Variants in MYH6 observed in about 807,000 individuals in gnomAD.
MYH6 encodes the protein myosin-6.
A neutral mutation model predicts 223.2 loss-of-function variants in MYH6; 126 were observed. That is an observed-to-expected ratio of 0.56 (90% CI 0.49 to 0.65). The LOEUF is 0.65. MYH6 is among the 30% of genes least tolerant of loss of function. MYH6 has a pLI of 0.00. For missense variants in MYH6, 2,040 were observed against 2,536.4 expected (o/e 0.80, Z 4.20); for synonymous variants, 978 against 1,010.2 (o/e 0.97, Z 0.61).
rs187522985 is a variant in MYH6 at position 23,388,770 on chromosome 14, C to A, written c.4175+89G>T. On this transcript the variant is annotated intron_variant, in intron 29 of 38. Transcript: ENST00000405093. ...GAGTTCCTCCTGTCTCTTCCACTTC[C>A]GTCTCATGACCACTTTGCCTGTCCC... The A allele has an allele frequency of 7.0e-6, 11 of 1,579,412 alleles. 1 individual carries two copies. In the East Asian group the frequency reaches 1.8e-4, roughly 26 times the overall value.
chr14:23,382,925 T>C (rs921879576), intron 37 of MYH6, among the ~76,000 whole-genome samples: 17 of 152,206 alleles, frequency 1.1e-4, no homozygotes, highest in Non-Finnish European at 2.4e-4. Flanking sequence ...CTGGGTCCCC[T>C]TCTAGGCCCA....
chr14:23,407,438 T>C lies in MYH6; in HGVS notation c.-14+138A>G. ...GCTGAAGGACAATCTCTGTAAGGGG[T>C]TTCCCTGGGGTGGCATTGGCTGGAG... On this transcript the variant is annotated intron_variant, in intron 2 of 38. Transcript: ENST00000405093. The surrounding 1 kb of genome is among the most constrained non-coding windows in gnomAD (Gnocchi z 5.6). 1 of 1,136,014 alleles carries C rather than the reference T, an allele frequency of 8.8e-7. No homozygotes were observed. The highest frequency in any genetic ancestry group is 1.6e-5 in the South Asian group (1 of 62,134). The allele number at this position is 1,136,014 out of a possible 1,614,324, so 70.4% of individuals were successfully genotyped here.
rs1367375061 is a variant in MYH6 at position 23,390,223 on chromosome 14, G to A, written c.3566C>T (p.Ala1189Val). 1.9e-6 allele frequency: 3 copies of A among 1,591,932 alleles called. No individual in the cohort carries two copies. The highest frequency in any genetic ancestry group is 2.7e-5 in the African/African-American group (2 of 74,384). Residue 1189 changes from alanine to valine, a missense_variant, in exon 26 of 39, where the codon GCC becomes GTC. By Grantham distance (64) the Ala-to-Val change is moderately conservative. Transcript: ENST00000405093. ...CTTCTTGCGCAGGGCCGCGGCAGTG[G>A]CCTCGTGCTGCAGCGTGGCCTCCTC... is the stretch of plus-strand genomic sequence containing the variant. ...DLEEATLQHEATAAALRKKHA... is the reference protein window; with the variant it reads ...DLEEATLQHEVTAAALRKKHA...
At chr14:23,400,536 G>A in intron 13 of MYH6, 110 bp from the exon 14 acceptor site, 1 of 1,590,758 alleles carries the variant, frequency 6.3e-7, no homozygotes, top group Non-Finnish European at 8.6e-7. Flanking sequence ...TCCCCTCCAT[G>A]TCAGGGCAGT....
intron 15 of MYH6, among the ~76,000 whole-genome samples, chr14:23,397,950 T>TTCTTTTTCTTCTTCC (rs1891463518): frequency 1.2e-5 from 1 of 80,860 alleles, no homozygotes; most frequent in Non-Finnish European, 2.4e-5. Flanking sequence ...CTTCTTCTTC[T>TTCTTTTTCTTCTTCC]TCTTCTTCTT....
At chr14:23,404,219 C>T (rs1891702791) in intron 8 of MYH6, 77 bp downstream of exon 8, 1 of 1,490,568 alleles carries the variant, frequency 6.7e-7, no homozygotes, top group African/African-American at 1.4e-5. Context: ...GTACAATCAA[C>T]TGGGTGTGGC....
chr14:23,383,341 G>GGGCCCCCCCCCCCCCC, intron 36 of MYH6, 21 bp from the exon 37 acceptor site: 1 of 556,564 alleles, frequency 1.8e-6, no homozygotes, highest in Non-Finnish European at 3.3e-6. Context: ...GAGGGTGGGA[G>GGGCCCCCCCCCCCCCC]AAGCTGGTTT....
chr14:23,392,322 C>T (rs1015385389), intron 25 of MYH6, among the ~76,000 whole-genome samples: 16 of 152,070 alleles, frequency 1.1e-4, no homozygotes, highest in Non-Finnish European at 1.5e-5. Context: ...GAGCAGATCT[C>T]AGAAGGAGAA....
In MYH6 at chr14:23,384,666, G is replaced by T. The variant is rs747585087; in HGVS notation, c.5341C>A (p.Leu1781Met). 5 of 1,614,236 alleles carry T rather than the reference G, an allele frequency of 3.1e-6. No homozygotes were observed. In the Admixed American group the frequency reaches 8.3e-5, roughly 27 times the overall value. The change falls in exon 36 of 39, where the codon CTG becomes ATG. Residue 1781 changes from leucine to methionine, a missense_variant. Leu to Met is a conservative substitution (Grantham distance 15). Around this residue, in one of 4 missense-constraint regions of MYH6, gnomAD observed 1,203 missense variants for 1,400.2 expected, o/e 0.86. Coordinates refer to ENST00000405093, the MANE Select transcript of MYH6 (RefSeq NM_002471.4). ...LKKEQDTSAH[L>M]ERMKKNMEQT... is the part of the protein sequence containing the mutation. The stretch of plus-strand genomic sequence containing the variant: ...TCCATGTTCTTCTTCATGCGCTCCA[G>T]GTGGGCGCTGGTGTCCTGCTCCTTC...
chr14:23,386,481 G>A lies in MYH6; in HGVS notation c.4793C>T (p.Ser1598Leu), dbSNP rs536807961. ...CTCTGCATCCAGGGAGGTCTGCAGC[G>A]AGTCCACCACCCGCTGGTGGTTGCG... ...AKRNHQRVVD[S>L]LQTSLDAETR... The change falls in exon 33 of 39, where the codon TCG becomes TTG. Residue 1598 changes from serine to leucine, a missense_variant. Ser to Leu is a moderately radical substitution (Grantham distance 145). Coordinates refer to ENST00000405093, the MANE Select transcript of MYH6 (RefSeq NM_002471.4). 1.5e-5 allele frequency: 25 copies of A among 1,614,102 alleles called. No homozygotes were observed. Among genetic ancestry groups the A allele is most frequent in the Admixed American group, 3.3e-5 (2 of 60,018 alleles).
intron 16 of MYH6, 21 bp downstream of exon 16, chr14:23,397,522 G>A: frequency 6.2e-7 from 1 of 1,613,390 alleles, no homozygotes; most frequent in Admixed American, 1.7e-5. Context: ...AGGTGTCCTG[G>A]CACCCCTGGG....
At chr14:23,398,106 C>T (rs922186844) in intron 15 of MYH6, among the ~76,000 whole-genome samples, 6 of 151,802 alleles carry the variant, frequency 4.0e-5, no homozygotes, top group South Asian at 2.1e-4. Flanking sequence ...CAACCTCCGT[C>T]GCCCGGATTC....
At position 23,389,509 on chromosome 14, in the gene MYH6, C is replaced by CT. The variant is rs956411187; in HGVS notation, c.3861dup (p.Glu1288ArgfsTer54). 6 of 1,614,126 alleles carry CT rather than the reference C, an allele frequency of 3.7e-6. No homozygotes were observed. In the African/African-American group the frequency reaches 8.0e-5, roughly 22 times the overall value. On this transcript the variant is annotated frameshift_variant and splice_region_variant, in exon 28 of 39. Coordinates refer to ENST00000405093, the MANE Select transcript of MYH6 (RefSeq NM_002471.4). LOFTEE classifies it high-confidence loss of function. ...TTTTCCTCTAGCTGCCGGGCCAACTCTCCTGGAGGTGAAATGAGGGGCTTG... is the reference window on the plus strand; with the variant it reads ...TTTTCCTCTAGCTGCCGGGCCAACTCTTCCTGGAGGTGAAATGAGGGGCTTG...
chr14:23,396,676 G>A lies in MYH6; in HGVS notation c.2292+18C>T, dbSNP rs452036. On this transcript the variant is annotated intron_variant, in intron 19 of 38. Coordinates refer to ENST00000405093, the MANE Select transcript of MYH6 (RefSeq NM_002471.4). ...TGGCCACCTGCCCTGCAACCACCCA[G>A]TGGGGCTCTAGACTCACCTTGGTGT... 574,737 of 1,613,750 alleles carry A rather than the reference G, an allele frequency of 0.36. 107,860 individuals are homozygous for A. Among genetic ancestry groups the A allele is most frequent in the African/African-American group, 0.63 (47,111 of 74,982 alleles).
chr14:23,388,061 C>T (rs1891092633), intron 30 of MYH6, 94 bp downstream of exon 30: 2 of 1,608,970 alleles, frequency 1.2e-6, no homozygotes, highest in South Asian at 2.2e-5. Context: ...TAGCCCTCCT[C>T]CTCCACCTCC....
chr14:23,386,574 A>C lies in MYH6; in HGVS notation c.4700T>G (p.Phe1567Cys), dbSNP rs750138024. The change falls in exon 33 of 39, where the codon TTC (phenylalanine) becomes TGC (cysteine). Residue 1567 changes from phenylalanine to cysteine, a missense_variant. Phe to Cys is a radical substitution (Grantham distance 205, BLOSUM62 -2). Coordinates refer to ENST00000405093, the MANE Select transcript of MYH6 (RefSeq NM_002471.4). ...EGKILRAQLE[F>C]NQIKAEIERK... The stretch of plus-strand genomic sequence containing the variant: ...CTCGATCTCTGCCTTGATCTGGTTG[A>C]ACTCTAGCTGGGCCCGGAGGATCTT... 6 of 1,612,956 alleles carry C rather than the reference A, an allele frequency of 3.7e-6. No homozygotes were observed. The highest frequency in any genetic ancestry group is 5.1e-6 in the Non-Finnish European group (6 of 1,179,312).
rs1368906663 is a variant in MYH6 at position 23,400,903 on chromosome 14, T to G, written c.1216A>C (p.Lys406Gln). The G allele has an allele frequency of 6.2e-7, 1 of 1,614,232 alleles. No homozygotes were observed. The highest frequency in any genetic ancestry group is 1.1e-5 in the South Asian group (1 of 91,084). ...LLKGLCHPRV[K>Q]VGNEYVTKGQ... is the part of the protein sequence containing the mutation. ...TTGGTGACATACTCGTTGCCCACTT[T>G]CACCCGAGGGTGGCACAGCCCCTTG... The change falls in exon 13 of 39, where the codon AAA becomes CAA. Residue 406 changes from lysine (K) to glutamine (Q), a missense_variant. By Grantham distance (53) the Lys-to-Gln change is moderately conservative. Transcript: ENST00000405093.
rs442275 is a variant in MYH6, at chr14:23,405,710, C to G, written c.262G>C (p.Glu88Gln). ...QQNPPKFDKI[E>Q]DMAMLTFLHE... is the part of the protein sequence containing the mutation. ...AGGAAGGTCAGCATGGCCATGTCCT[C>G]AATCTTGTCGAACTTGGGTGGGTTC... Residue 88 changes from glutamate to glutamine, a missense_variant, in exon 4 of 39, where the codon GAG becomes CAG. By Grantham distance (29) the Glu-to-Gln change is conservative (BLOSUM62 2). Coordinates refer to ENST00000405093, the MANE Select transcript of MYH6 (RefSeq NM_002471.4). This position sits in a 1 kb window ranked among gnomAD's most constrained non-coding sequence, Gnocchi z 4.7. The G allele has an allele frequency of 6.2e-7, 1 of 1,614,174 alleles. No homozygotes were observed. Among genetic ancestry groups the G allele is most frequent in the South Asian group, 1.1e-5 (1 of 91,086 alleles).
At position 23,398,306 on chromosome 14, in the gene MYH6, G is replaced by A. The variant is rs1450205283; in HGVS notation, c.1891+422C>T. Among the ~76,000 whole-genome samples, 7 of 152,160 alleles carry A rather than the reference G, an allele frequency of 4.6e-5. No individual in the cohort carries two copies. In the East Asian group the frequency reaches 7.7e-4, roughly 17 times the overall value. On this transcript the variant is annotated intron_variant, in intron 15 of 38. Transcript: ENST00000405093. ...GCTGGGATTACAGGCGTGAGCCACC[G>A]TGCCCAACCTCTACTTTTCTTCTTA...
Sources: gnomAD v4.1 joint callset for allele counts (sites outside exome capture counted in the v4.1 genomes callset) on GRCh38, gnomAD v4.1.1 for gene constraint, gnomAD v4.1.1 regional missense constraint, Gnocchi (gnomAD v3.1) non-coding constraint, MANE v1.5 for transcripts, NCBI Gene and HGNC (gene_info 2026-07-23, HGNC 2026-07-21) for gene names.